The following TNNI3K variants were observed in gnomAD, a reference collection of about 807,000 sequenced individuals.
TNNI3K encodes the protein TNNI3 interacting kinase.
A neutral mutation model predicts 114.5 loss-of-function variants in TNNI3K; 140 were observed. The observed-to-expected ratio is 1.22, with a 90% CI of 1.07 to 1.41. The LOEUF (loss-of-function observed/expected upper bound fraction) is 1.41. Ranked by LOEUF, TNNI3K falls within the 40% of genes most tolerant of loss-of-function variation. The probability of loss-of-function intolerance (pLI) is 0.00; values close to 1 mark genes in which losing one functional copy is unlikely to be tolerated. For missense variants in TNNI3K, 1,125 were observed against 1,007.6 expected, an observed-to-expected ratio of 1.12 and a Z score of -1.58; for synonymous variants, 347 against 347.5, an observed-to-expected ratio of 1.00 and a Z score of 0.02.
chr1:74,437,349 A>G (rs773163595), intron 19 of TNNI3K, among the ~76,000 whole-genome samples: 4 of 152,044 alleles, frequency 2.6e-5, no homozygotes, highest in Non-Finnish European at 5.9e-5. Context: ...CTAAGTTCTC[A>G]TTCCTATGGA....
intron 23 of TNNI3K, among the ~76,000 whole-genome samples, chr1:74,501,344 G>A (rs537419128): frequency 6.6e-6 from 1 of 152,242 alleles, no homozygotes; most frequent in East Asian, 1.9e-4. Context: ...CAATTTTACA[G>A]GAGAGTTTAA....
intron 21 of TNNI3K, chr1:74,471,779 T>G (rs560353266): frequency 2.4e-6 from 1 of 420,758 alleles, no homozygotes; most frequent in African/African-American, 2.0e-5. Context: ...TCCTCACTCA[T>G]AAGAAATTTT....
At position 74,251,351 on chromosome 1, in the gene TNNI3K, T is replaced by A. The variant is rs151098408; in HGVS notation, c.333+582T>A. Among the ~76,000 whole-genome samples the A allele has an allele frequency of 3.0e-3, 452 of 152,272 alleles. 2 individuals carry two copies. The highest frequency in any genetic ancestry group is 0.011 in the African/African-American group (441 of 41,554). Reference sequence around the variant, plus strand: ...TTGAACCTTGAGATTTTCATAAATATAAATTTATAAAACATACAAATTATA... The same window carrying A: ...TTGAACCTTGAGATTTTCATAAATAAAAATTTATAAAACATACAAATTATA... On this transcript the variant is annotated intron_variant, in intron 4 of 24. Transcript: ENST00000326637.
At chr1:74,376,310 T>G (rs1662902109) in intron 17 of TNNI3K, among the ~76,000 whole-genome samples, 1 of 151,990 alleles carries the variant, frequency 6.6e-6, no homozygotes, top group African/African-American at 2.4e-5. Context: ...ATAAACAAAT[T>G]GTTAATTTTC....
chr1:74,414,114 G>A (rs1349456481), intron 17 of TNNI3K, among the ~76,000 whole-genome samples: 1 of 152,080 alleles, frequency 6.6e-6, no homozygotes, highest in East Asian at 1.9e-4. Context: ...GTTTATTAGT[G>A]TTGCATTTGT....
At chr1:74,543,447 G>C (rs932093097) in intron 24 of TNNI3K, among the ~76,000 whole-genome samples, 3 of 152,104 alleles carry the variant, frequency 2.0e-5, no homozygotes, top group Admixed American at 6.5e-5. Flanking sequence ...AGTGCTAATT[G>C]TCTTAGGTGC....
At position 74,342,987 on chromosome 1, in the gene TNNI3K, G is replaced by T. The variant is rs758991495; in HGVS notation, c.827+1G>T. The T allele has an allele frequency of 6.2e-7, 1 of 1,613,786 alleles. No homozygotes were observed. Among genetic ancestry groups the T allele is most frequent in the Non-Finnish European group, 8.5e-7 (1 of 1,179,860 alleles). On this transcript the variant is annotated splice_donor_variant, in intron 8 of 24. Coordinates refer to ENST00000326637, the MANE Select transcript of TNNI3K (RefSeq NM_015978.3). LOFTEE classifies it high-confidence loss of function. ...TCTATGGAGATACCCCCTTACACCT[G>T]TGAGTATTATGTAGCATTCCATAGG... is the stretch of plus-strand genomic sequence containing the variant.
chr1:74,508,379 A>G (rs1476921437), intron 23 of TNNI3K, among the ~76,000 whole-genome samples: 1 of 152,228 alleles, frequency 6.6e-6, no homozygotes, highest in African/African-American at 2.4e-5. Context: ...ATCTCATTTA[A>G]TCTTCATAAA....
At chr1:74,388,797 T>G (rs188464089) in intron 17 of TNNI3K, among the ~76,000 whole-genome samples, 2 of 152,228 alleles carry the variant, frequency 1.3e-5, no homozygotes, top group African/African-American at 4.8e-5. Context: ...GTACAGAATC[T>G]CATACTAACC....
intron 9 of TNNI3K, among the ~76,000 whole-genome samples, chr1:74,348,372 G>A (rs373518298): frequency 1.3e-5 from 2 of 150,356 alleles, no homozygotes; most frequent in African/African-American, 4.9e-5. Flanking sequence ...TGTTTTGGTA[G>A]CAGTACCATG....
chr1:74,437,476 G>T (rs976576639), intron 19 of TNNI3K, among the ~76,000 whole-genome samples: 1 of 151,994 alleles, frequency 6.6e-6, no homozygotes, highest in East Asian at 1.9e-4. Context: ...GAGTGATGAG[G>T]TTGACATTTA....
At chr1:74,489,755 A>G (rs1668957129) in intron 22 of TNNI3K, among the ~76,000 whole-genome samples, 1 of 152,198 alleles carries the variant, frequency 6.6e-6, no homozygotes, top group African/African-American at 2.4e-5. Flanking sequence ...TTGCCTTATT[A>G]AAGCTGTTTG....
chr1:74,412,481 A>G (rs1664928873), intron 17 of TNNI3K, among the ~76,000 whole-genome samples: 3 of 152,164 alleles, frequency 2.0e-5, no homozygotes, highest in Admixed American at 2.0e-4. Context: ...GGGAGTAAGG[A>G]GGAGGACGTG....
At chr1:74,493,484 T>G (rs900239174) in intron 23 of TNNI3K, among the ~76,000 whole-genome samples, 2 of 152,190 alleles carry the variant, frequency 1.3e-5, no homozygotes, top group Non-Finnish European at 2.9e-5. Context: ...ATGCCCCAGT[T>G]CCCAATAGAT....
At chr1:74,242,467 A>C (rs369646822) in intron 2 of TNNI3K, among the ~76,000 whole-genome samples, 2 of 152,290 alleles carry the variant, frequency 1.3e-5, no homozygotes, top group South Asian at 4.1e-4. Flanking sequence ...ACTATAGCCA[A>C]CTATGAAATT....
At chr1:74,438,597 C>T (rs556819842) in intron 19 of TNNI3K, among the ~76,000 whole-genome samples, 1 of 152,096 alleles carries the variant, frequency 6.6e-6, no homozygotes, top group Non-Finnish European at 1.5e-5. Flanking sequence ...TGAACAGCTA[C>T]CCAGAGCTGT....
chr1:74,543,897 CT>C lies in TNNI3K; in HGVS notation c.2432-8del. 6.2e-7 allele frequency: 1 copy of C among 1,613,432 alleles called. No individual in the cohort carries two copies. Among genetic ancestry groups the C allele is most frequent in the Non-Finnish European group, 8.5e-7 (1 of 1,179,744 alleles). Reference sequence around the variant, plus strand: ...AGTAAGTAACAACTGAACTTCTTTTCTGATGCAGGCTATGTATCCGATCCCA... The same window carrying C: ...AGTAAGTAACAACTGAACTTCTTTTCGATGCAGGCTATGTATCCGATCCCA... On this transcript the variant is annotated splice_polypyrimidine_tract_variant and splice_region_variant and intron_variant, in intron 24 of 24. Coordinates refer to ENST00000326637, the MANE Select transcript of TNNI3K (RefSeq NM_015978.3).
chr1:74,350,539 C>T (rs558668217), intron 9 of TNNI3K, among the ~76,000 whole-genome samples: 78 of 152,164 alleles, frequency 5.1e-4, no homozygotes, highest in African/African-American at 1.6e-3. Flanking sequence ...CTTTCTGTCT[C>T]GTTGATCTGT....
intron 5 of TNNI3K, among the ~76,000 whole-genome samples, chr1:74,313,923 G>A (rs541962): frequency 0.99 from 150,371 of 151,724 alleles, 74,531 homozygotes; most frequent in Middle Eastern, 1. Flanking sequence ...TCATACAGCT[G>A]TTGTTTCAGA....
Sources: allele counts gnomAD v4.1 joint callset (sites outside exome capture counted in the v4.1 genomes callset), GRCh38; gene constraint gnomAD v4.1.1; transcripts MANE v1.5; gene names NCBI Gene and HGNC (gene_info 2026-07-23, HGNC 2026-07-21).